The following ATP8B3 variants were observed in gnomAD, a reference collection of about 807,000 sequenced individuals.
ATP8B3 encodes phospholipid-transporting ATPase IK.
A neutral mutation model predicts 140.9 loss-of-function variants in ATP8B3; 141 were observed. That is an observed-to-expected ratio of 1.00 (90% confidence interval 0.87 to 1.15). The LOEUF is 1.15. ATP8B3 is among the 50% of genes most tolerant of loss of function. The pLI, the probability that ATP8B3 is intolerant of heterozygous loss-of-function variation, is 0.00. For missense variants in ATP8B3, 1,874 were observed against 1,740.6 expected (o/e 1.08, Z -1.36); for synonymous variants, 765 against 714.6 (o/e 1.07, Z -1.13).
chr19:1,784,652 G>T (rs553942974), intron 28 of ATP8B3, among the ~76,000 whole-genome samples, 167 bp downstream of exon 28: 1 of 152,312 alleles, frequency 6.6e-6, no homozygotes, highest in Non-Finnish European at 1.5e-5. Flanking sequence ...GGGCCCCGGG[G>T]GCACTGGGCG....
At chr19:1,783,810 T>C (rs141226344) in intron 28 of ATP8B3, among the ~76,000 whole-genome samples, 2,404 of 152,196 alleles carry the variant, frequency 0.016, 56 homozygotes, top group African/African-American at 0.055. Flanking sequence ...TTTCCATGCA[T>C]GCTTTGGTTA....
At position 1,806,382 on chromosome 19, in the gene ATP8B3, C is replaced by G. The variant is rs79086713; in HGVS notation, c.678-213G>C. On this transcript the variant is annotated intron_variant, in intron 7 of 28. Transcript: ENST00000310127. This position sits in a 1 kb window ranked among gnomAD's most constrained non-coding sequence, Gnocchi z 5.6. ...CTCCAGGGTCCTGCACCCACGTCCT[C>G]TTCAGACTTTCCTTGTCCTCCCCAT... is the stretch of plus-strand genomic sequence containing the variant. The G allele has an allele frequency of 4.9e-4, 712 of 1,444,618 alleles. 2 individuals are homozygous for G. In the African/African-American group the frequency reaches 5.8e-3, roughly 12 times the overall value. 89.5% of individuals were successfully genotyped at this position (1,444,618 alleles called of 1,614,324 possible).
At position 1,790,776 on chromosome 19, in the gene ATP8B3, G is replaced by C. The variant is rs2068480889; in HGVS notation, c.2359C>G (p.Leu787Val). 2 of 1,601,500 alleles carry C rather than the reference G, an allele frequency of 1.2e-6. No individual in the cohort carries two copies. Among genetic ancestry groups the C allele is most frequent in the Non-Finnish European group, 1.7e-6 (2 of 1,176,444 alleles). ...TCTTACCTAATCTCCTTCTCCTCCA[G>C]AATGAGCATATTCTCTGACAGCAGC... is the stretch of plus-strand genomic sequence containing the variant. ...CELLSENMLILEEKEISRILE... is the reference protein window; with the variant it reads ...CELLSENMLIVEEKEISRILE... The change falls in exon 21 of 29, where the codon CTG (leucine) becomes GTG (valine). Residue 787 changes from leucine to valine, a missense_variant. Physicochemically the swap from Leu to Val is conservative, Grantham distance 32. Transcript: ENST00000310127.
chr19:1,785,228 C>T lies in ATP8B3; in HGVS notation c.3463G>A (p.Ala1155Thr), dbSNP rs749118061. The T allele has an allele frequency of 1.1e-5, 18 of 1,608,026 alleles. No individual in the cohort carries two copies. The highest frequency in any genetic ancestry group is 1.2e-5 in the Non-Finnish European group (14 of 1,177,354). Residue 1155 changes from alanine (A) to threonine (T), a missense_variant, in exon 27 of 29, where the codon GCC becomes ACC. Physicochemically the swap from Ala to Thr is moderately conservative, Grantham distance 58. Around this residue, in one of 3 missense-constraint regions of ATP8B3, gnomAD observed 840 missense variants for 760.9 expected, o/e 1.10. Transcript: ENST00000310127. ...CTCTGGGTGGTGGTAGTCATGATGG[C>T]GTAGAAACCAAGGCTGAGGAGGATG... ...ATILLSLGFY[A>T]IMTTTTQSFW...
In ATP8B3 at chr19:1,796,159, G is replaced by A; in HGVS notation, c.1860C>T (p.Ile620=). The change falls in exon 17 of 29, where the codon ATC becomes ATT. Residue 620 remains isoleucine (I), a synonymous_variant. Coordinates refer to ENST00000310127, the MANE Select transcript of ATP8B3 (RefSeq NM_138813.4). ...AGACCCGTTCCTCCCCCAGCTCCAT[G>A]ATCGTGACGGTGTCCTGGGTGCGGG... ...FLSRTQDTVT[I]MELGEERVYQ... 8 of 1,612,968 alleles carry A rather than the reference G, an allele frequency of 5.0e-6. No individual in the cohort carries two copies. The highest frequency in any genetic ancestry group is 6.8e-6 in the Non-Finnish European group (8 of 1,179,870).
chr19:1,803,286 C>T, intron 10 of ATP8B3, among the ~76,000 whole-genome samples: 1 of 152,118 alleles, frequency 6.6e-6, no homozygotes. Context: ...GAGAGAGGGG[C>T]CACAGGGTTC....
At chr19:1,793,811 T>C (rs771530359) in intron 18 of ATP8B3, among the ~76,000 whole-genome samples, 5 of 150,964 alleles carry the variant, frequency 3.3e-5, no homozygotes, top group Non-Finnish European at 5.9e-5. Flanking sequence ...GGCGCGATCT[T>C]GGCTCACTGC....
rs1259651419 is a variant in ATP8B3, at chr19:1,784,833, CCTT to C, written c.3643_3645del (p.Lys1215del). On this transcript the variant is annotated inframe_deletion, in exon 28 of 29. Transcript: ENST00000310127. ...GCCCACCTCACCTTGGCACGTAGCT[CCTT>C]GAGGGCTGGGAAGATGACTCGGAGG... 6.8e-6 allele frequency: 11 copies of C among 1,606,506 alleles called. No individual in the cohort carries two copies. The highest frequency in any genetic ancestry group is 9.3e-6 in the Non-Finnish European group (11 of 1,176,646).
chr19:1,809,611 T>C (rs764430165), intron 4 of ATP8B3, 32 bp downstream of exon 4: 53 of 1,557,796 alleles, frequency 3.4e-5, no homozygotes, highest in Non-Finnish European at 4.5e-5. Flanking sequence ...GCAGCTCCTC[T>C]GGAGCAGGGA....
In ATP8B3 at chr19:1,811,636, G is replaced by T; in HGVS notation, c.101C>A (p.Thr34Asn). ...GPGDTGDSDV[T>N]QEGSGPAGIR... ...GCCAGCAGGACCTGAGCCTTCCTGA[G>T]TCACGTCTGAGTCACCCGTGTCCCC... Residue 34 changes from threonine (T) to asparagine (N), a missense_variant, in exon 2 of 29, where the codon ACT becomes AAT. Thr to Asn is a moderately conservative substitution (Grantham distance 65). This residue lies in a region of ATP8B3 where 1,032 missense variants were observed against 963.6 expected (regional missense o/e 1.07). Transcript: ENST00000310127. The T allele has an allele frequency of 6.2e-7, 1 of 1,611,548 alleles. No homozygotes were observed. The highest frequency in any genetic ancestry group is 2.2e-5 in the East Asian group (1 of 44,874).
chr19:1,799,910 G>C, intron 14 of ATP8B3, 37 bp downstream of exon 14: 1 of 1,549,192 alleles, frequency 6.5e-7, no homozygotes, highest in Non-Finnish European at 8.7e-7. Flanking sequence ...CTTGAAGATC[G>C]AGGACCCAGC....
At position 1,806,552 on chromosome 19, in the gene ATP8B3, C is replaced by G. The variant is rs2069027305; in HGVS notation, c.677+76G>C. The G allele has an allele frequency of 6.5e-6, 10 of 1,541,210 alleles. No homozygotes were observed. The East Asian group carries it at 2.4e-4, about 38-fold the overall frequency. On this transcript the variant is annotated intron_variant, in intron 7 of 28. Transcript: ENST00000310127. The surrounding 1 kb of genome is among the most constrained non-coding windows in gnomAD (Gnocchi z 5.6). ...CAGGGAGCACGGAAGGTGATGGACA[C>G]TTGCCGAGGCCGATGACCCTGCTGG...
Position 1,796,083 on chromosome 19 carries a change from C to T in ATP8B3, c.1936G>A (p.Val646Met). The change falls in exon 17 of 29, where the codon GTG becomes ATG. Residue 646 changes from valine to methionine, a missense_variant. Physicochemically the swap from Val to Met is conservative, Grantham distance 21. Transcript: ENST00000310127. ...CTTGGGTGGCGGGGCTCACCCAGCA[C>T]CGACATCCGTTTGCGCGTGCTGTTG... The part of the protein sequence containing the change: ...DFNSTRKRMS[V>M]LVRKPEGAIC... 1 of 1,612,842 alleles carries T rather than the reference C, an allele frequency of 6.2e-7. No individual in the cohort carries two copies. The highest frequency in any genetic ancestry group is 8.5e-7 in the Non-Finnish European group (1 of 1,179,762).
intron 14 of ATP8B3, among the ~76,000 whole-genome samples, chr19:1,797,503 TATTTATTTATTTTTG>T: frequency 7.5e-6 from 1 of 133,816 alleles, no homozygotes; most frequent in African/African-American, 3.2e-5. Flanking sequence ...TTTATTTATT[TATTTATTTATTTTTG>T]AGACAGAGTC....
At position 1,812,204 on chromosome 19, in the gene ATP8B3, G is replaced by A. The variant is rs562585803; in HGVS notation, c.-167C>T. ...CGCTCACCGGCGCAGGAGAGGCAGG[G>A]GGGGGCAGGCCGCGGGCGTCCAGGG... is the stretch of plus-strand genomic sequence containing the variant. On this transcript the variant is annotated 5_prime_UTR_variant, in exon 1 of 29. Transcript: ENST00000310127. 1 of 156,542 alleles carries A rather than the reference G, an allele frequency of 6.4e-6. No homozygotes were observed. Among genetic ancestry groups the A allele is most frequent in the Non-Finnish European group, 1.4e-5 (1 of 70,974 alleles). The allele number at this position is 156,542 out of a possible 1,614,324, so 9.7% of individuals were successfully genotyped here.
rs1281623931 is a variant in ATP8B3, at chr19:1,789,583, G to T, written c.2623C>A (p.Leu875Ile). 2.5e-6 allele frequency: 4 copies of T among 1,593,566 alleles called. No homozygotes were observed. The South Asian group carries it at 3.4e-5, about 13-fold the overall frequency. ...RLSLLCRRFG[L>I]PLAAPPAQDS... ...TGGGCTGGCGGTGCAGCCAGCGGGA[G>T]CCCGAACCTCCGGCACAGCAGGGAC... Residue 875 changes from leucine (L) to isoleucine (I), a missense_variant, in exon 23 of 29, where the codon CTC (leucine) becomes ATC (isoleucine). By Grantham distance (5) the Leu-to-Ile change is conservative (BLOSUM62 2). Coordinates refer to ENST00000310127, the MANE Select transcript of ATP8B3 (RefSeq NM_138813.4).
rs760188775 is a variant in ATP8B3 at position 1,792,070 on chromosome 19, G to C, written c.2121C>G (p.Tyr707Ter). 6.4e-7 allele frequency: 1 copy of C among 1,566,260 alleles called. No homozygotes were observed. Among genetic ancestry groups the C allele is most frequent in the Non-Finnish European group, 8.6e-7 (1 of 1,157,592 alleles). Residue 707 changes from tyrosine (Y) to a stop codon, truncating the protein, a stop_gained, in exon 19 of 29, where the codon TAC becomes TAG. Coordinates refer to ENST00000310127, the MANE Select transcript of ATP8B3 (RefSeq NM_138813.4). LOFTEE classifies it high-confidence loss of function. ...CCTGGTGGCGCTGCTGCCAGTCCTC[G>C]TAAATGTCCTCAGCCACCTCCCTGT... ...LAYREVAEDI[Y>*]EDWQQRHQEA...
Position 1,797,019 on chromosome 19 carries a change from C to T in ATP8B3, c.1553-14G>A, listed in dbSNP as rs572748533. On this transcript the variant is annotated splice_polypyrimidine_tract_variant and intron_variant, in intron 14 of 28. Transcript: ENST00000310127. Reference sequence around the variant, plus strand: ...CTGAATCCGGCCCTGGGGAAAGACACAGCTTCCTGCTTCAGCTCCCACAGG... The same window carrying T: ...CTGAATCCGGCCCTGGGGAAAGACATAGCTTCCTGCTTCAGCTCCCACAGG... 6.2e-7 allele frequency: 1 copy of T among 1,613,034 alleles called. No individual in the cohort carries two copies. The highest frequency in any genetic ancestry group is 8.5e-7 in the Non-Finnish European group (1 of 1,179,810).
Position 1,789,097 on chromosome 19 carries a change from C to A in ATP8B3, c.2869G>T (p.Ala957Ser), listed in dbSNP as rs1438309819. The A allele has an allele frequency of 2.5e-6, 4 of 1,593,890 alleles. No homozygotes were observed. The African/African-American group carries it at 4.0e-5, about 16-fold the overall frequency. ...ACTGCCTGCATGCCCTCCTGGCCCG[C>A]CAGCCCCACGCCCACGTCCGCGGCT... ...IKTADVGVGL[A>S]GQEGMQAVQN... Residue 957 changes from alanine to serine, a missense_variant, in exon 24 of 29, where the codon GCG becomes TCG. This residue lies in a region of ATP8B3 where 840 missense variants were observed against 760.9 expected (regional missense o/e 1.10). Transcript: ENST00000310127.
Sources: allele counts gnomAD v4.1 joint callset (sites outside exome capture counted in the v4.1 genomes callset), GRCh38; gene constraint gnomAD v4.1.1; regional missense constraint gnomAD v4.1.1; non-coding constraint Gnocchi (gnomAD v3.1); transcripts MANE v1.5; gene names NCBI Gene and HGNC (gene_info 2026-07-23, HGNC 2026-07-21).